The following ELP4 variants were observed in gnomAD, a reference collection of about 807,000 sequenced individuals.
ELP4 encodes the protein elongator acetyltransferase complex subunit 4, also known as elongator complex protein 4.
A neutral mutation model predicts 48.9 loss-of-function variants in ELP4; 51 were observed. The observed-to-expected ratio is 1.04, with a 90% CI of 0.83 to 1.32. ELP4 has a LOEUF of 1.32. Ranked by LOEUF, ELP4 falls within the 40% of genes most tolerant of loss-of-function variation. The pLI is 0.00. For synonymous variants in ELP4, 210 were observed against 189.2 expected (o/e 1.11, Z -0.90); for missense variants, 519 against 514.6 (o/e 1.01, Z -0.08).
intron 9 of ELP4, among the ~76,000 whole-genome samples, chr11:31,744,164 C>G (rs1344701654): frequency 6.6e-6 from 1 of 152,164 alleles, no homozygotes; most frequent in Non-Finnish European, 1.5e-5. Context: ...AATTCCTCAA[C>G]ACGTACATCC....
intron 4 of ELP4, among the ~76,000 whole-genome samples, chr11:31,602,210 A>G (rs1957796483): frequency 6.6e-6 from 1 of 152,082 alleles, no homozygotes; most frequent in South Asian, 2.1e-4. Context: ...TACACAATAA[A>G]AAGATGAGCT....
chr11:31,754,734 T>C (rs1316703495), intron 9 of ELP4, among the ~76,000 whole-genome samples: 1 of 152,070 alleles, frequency 6.6e-6, no homozygotes, highest in Non-Finnish European at 1.5e-5. Flanking sequence ...TAGCTGGGCA[T>C]GGTGGCGGGC....
At chr11:31,703,614 A>G (rs1402097327) in intron 9 of ELP4, among the ~76,000 whole-genome samples, 1 of 152,210 alleles carries the variant, frequency 6.6e-6, no homozygotes, top group East Asian at 1.9e-4. Context: ...TCTTCAAGGT[A>G]CAAGTTACCC....
intron 9 of ELP4, among the ~76,000 whole-genome samples, chr11:31,737,702 A>G (rs1947349720): frequency 6.6e-6 from 1 of 152,188 alleles, no homozygotes; most frequent in South Asian, 2.1e-4. Context: ...CAAAGAAGAC[A>G]TACAAATGGC....
chr11:31,547,375 A>G (rs1435510065), intron 3 of ELP4, among the ~76,000 whole-genome samples: 2 of 152,214 alleles, frequency 1.3e-5, no homozygotes, highest in South Asian at 2.1e-4. Flanking sequence ...CAAATAAACT[A>G]GAAAATCTAG....
At chr11:31,591,107 A>C (rs1957561560) in intron 3 of ELP4, among the ~76,000 whole-genome samples, 1 of 152,182 alleles carries the variant, frequency 6.6e-6, no homozygotes, top group South Asian at 2.1e-4. Flanking sequence ...TAAACAGCCC[A>C]ATTTAAAAAT....
chr11:31,647,581 A>T, intron 7 of ELP4, 160 bp from the exon 8 acceptor site: 1 of 517,138 alleles, frequency 1.9e-6, no homozygotes, highest in Non-Finnish European at 3.5e-6. Flanking sequence ...GCATATTTCC[A>T]TCCAGTTTTC....
chr11:31,687,338 G>A (rs1358706864), intron 9 of ELP4, among the ~76,000 whole-genome samples: 1 of 152,170 alleles, frequency 6.6e-6, no homozygotes, highest in Non-Finnish European at 1.5e-5. Flanking sequence ...AGATTCAGAA[G>A]AGAAGAAGGC....
chr11:31,575,538 G>C (rs1957260783), intron 3 of ELP4, among the ~76,000 whole-genome samples: 1 of 152,198 alleles, frequency 6.6e-6, no homozygotes, highest in African/African-American at 2.4e-5. Flanking sequence ...GGCAGCCAGA[G>C]AGAAAGGTCG....
intron 3 of ELP4, among the ~76,000 whole-genome samples, chr11:31,559,986 T>TA (rs60538761): frequency 3.3e-5 from 5 of 150,820 alleles, no homozygotes; most frequent in East Asian, 1.9e-4. Flanking sequence ...ATTTTCAAAT[T>TA]AAAAAAAAAT....
At chr11:31,533,993 G>A (rs866354930) in intron 2 of ELP4, among the ~76,000 whole-genome samples, 1 of 151,548 alleles carries the variant, frequency 6.6e-6, no homozygotes, top group South Asian at 2.1e-4. Flanking sequence ...CCGCCACCAC[G>A]CCCAGCTAAT....
chr11:31,782,949 A>G (rs917473594), intron 9 of ELP4, among the ~76,000 whole-genome samples: 1 of 152,212 alleles, frequency 6.6e-6, no homozygotes, highest in Non-Finnish European at 1.5e-5. Flanking sequence ...ATTCATGGGA[A>G]TCTATAATTG....
At chr11:31,577,953 G>A (rs907589792) in intron 3 of ELP4, among the ~76,000 whole-genome samples, 1 of 152,146 alleles carries the variant, frequency 6.6e-6, no homozygotes, top group African/African-American at 2.4e-5. Flanking sequence ...AGGGCAGTCA[G>A]GCAAGAGAAA....
intron 9 of ELP4, among the ~76,000 whole-genome samples, chr11:31,700,482 C>T (rs772923143): frequency 5.9e-5 from 9 of 151,808 alleles, no homozygotes; most frequent in African/African-American, 1.7e-4. Context: ...TGTAGACAAA[C>T]GAGTTAAGAT....
At chr11:31,683,304 A>G (rs1382139389) in intron 9 of ELP4, among the ~76,000 whole-genome samples, 2 of 152,156 alleles carry the variant, frequency 1.3e-5, no homozygotes, top group Non-Finnish European at 2.9e-5. Flanking sequence ...AAAAATACAA[A>G]GTTTGGAGTT....
chr11:31,731,881 C>T (rs1565130683), intron 9 of ELP4, among the ~76,000 whole-genome samples: 1 of 150,908 alleles, frequency 6.6e-6, no homozygotes, highest in South Asian at 2.1e-4. Context: ...ACTTTGGAGG[C>T]AATATGAGAA....
intron 2 of ELP4, among the ~76,000 whole-genome samples, chr11:31,535,035 G>A (rs919425176): frequency 1.6e-4 from 25 of 152,158 alleles, no homozygotes; most frequent in African/African-American, 6.0e-4. Context: ...CAATGCAGAA[G>A]CATTGAAAAC....
At chr11:31,602,903 A>G (rs1278824594) in intron 4 of ELP4, among the ~76,000 whole-genome samples, 2 of 151,912 alleles carry the variant, frequency 1.3e-5, no homozygotes, top group Non-Finnish European at 2.9e-5. Context: ...TAATAGTTCA[A>G]TTTTGGATAG....
chr11:31,771,323 A>G (rs565133672), intron 9 of ELP4, among the ~76,000 whole-genome samples: 1 of 152,366 alleles, frequency 6.6e-6, no homozygotes, highest in Non-Finnish European at 1.5e-5. Flanking sequence ...CTTGTAGAAT[A>G]TGCATGTTTG....
Sources: allele counts gnomAD v4.1 joint callset (sites outside exome capture counted in the v4.1 genomes callset), GRCh38; gene constraint gnomAD v4.1.1; transcripts MANE v1.5; gene names NCBI Gene and HGNC (gene_info 2026-07-23, HGNC 2026-07-21).